Variants in FCGRT observed in about 807,000 individuals in gnomAD.
FCGRT encodes Fc gamma receptor and transporter, also known as IgG receptor FcRn large subunit p51.
In FCGRT, 13 loss-of-function variants were observed where a neutral mutation model predicts 35.7. That is an observed-to-expected ratio of 0.36 (90% CI 0.24 to 0.58). FCGRT has a LOEUF of 0.58. FCGRT is among the 20% of genes least tolerant of loss of function. The pLI is 0.77. For synonymous variants in FCGRT, 233 were observed against 216.5 expected (o/e 1.08, Z -0.67); for missense variants, 455 against 474.9 (o/e 0.96, Z 0.39).
At chr19:49,525,969 T>G in intron 6 of FCGRT, 41 bp from the exon 7 acceptor site, 2 of 1,273,284 alleles carry the variant, frequency 1.6e-6, no homozygotes, top group Non-Finnish European at 2.3e-6. Context: ...CCAGAGCGCC[T>G]CAGAGATTCT....
At chr19:49,514,997 CTT>C (rs1176536865) in intron 4 of FCGRT, among the ~76,000 whole-genome samples, 18 of 141,406 alleles carry the variant, frequency 1.3e-4, no homozygotes, top group Admixed American at 1.4e-4. Context: ...TGGCTCCCCC[CTT>C]TTTTTTTTTT....
At chr19:49,523,206 A>G (rs2080052717) in intron 4 of FCGRT, among the ~76,000 whole-genome samples, 1 of 152,158 alleles carries the variant, frequency 6.6e-6, no homozygotes, top group African/African-American at 2.4e-5. Flanking sequence ...CTACATTGGA[A>G]GAATTCACTA....
At position 49,524,702 on chromosome 19, in the gene FCGRT, A is replaced by G; in HGVS notation, c.797A>G (p.Lys266Arg). Residue 266 changes from lysine to arginine, a missense_variant, in exon 5 of 7, where the codon AAA becomes AGA. Lys to Arg is a conservative substitution (Grantham distance 26). Coordinates refer to ENST00000221466, the MANE Select transcript of FCGRT (RefSeq NM_001136019.3). ...CACGCCTCGTCGTCACTAACAGTCAAAAGTGGCGATGAGCACCACTACTGC... is the reference window on the plus strand; with the variant it reads ...CACGCCTCGTCGTCACTAACAGTCAGAAGTGGCGATGAGCACCACTACTGC... ...SFHASSSLTVKSGDEHHYCCI... is the reference protein window; with the variant it reads ...SFHASSSLTVRSGDEHHYCCI... 4 of 1,603,106 alleles carry G rather than the reference A, an allele frequency of 2.5e-6. No homozygotes were observed. The highest frequency in any genetic ancestry group is 2.5e-6 in the Non-Finnish European group (3 of 1,179,930).
At chr19:49,525,049 C>CCTGCTG (rs10525267) in intron 5 of FCGRT, 58 of 594,590 alleles carry the variant, frequency 9.8e-5, no homozygotes, top group South Asian at 2.6e-4. Context: ...CATCTTCCAT[C>CCTGCTG]CTGCTGCTGC....
At position 49,513,436 on chromosome 19, in the gene FCGRT, G is replaced by A; in HGVS notation, c.36G>A (p.Gly12=). Residue 12 remains glycine (G), a synonymous_variant, in exon 2 of 7, where the codon GGG becomes GGA. Coordinates refer to ENST00000221466, the MANE Select transcript of FCGRT (RefSeq NM_001136019.3). ...GVPRPQPWAL[G]LLLFLLPGSL... is the part of the protein sequence containing the mutation. The stretch of plus-strand genomic sequence containing the variant: ...CGCGGCCTCAGCCCTGGGCGCTGGG[G>A]CTCCTGCTCTTTCTCCTTCCTGGGA... The A allele has an allele frequency of 4.8e-6, 6 of 1,245,516 alleles. No homozygotes were observed. The highest frequency in any genetic ancestry group is 3.2e-5 in the East Asian group (1 of 31,622). The allele number at this position is 1,245,516 out of a possible 1,614,324, so 77.2% of individuals were successfully genotyped here.
At chr19:49,522,552 C>T (rs1481873067) in intron 4 of FCGRT, among the ~76,000 whole-genome samples, 1 of 151,676 alleles carries the variant, frequency 6.6e-6, no homozygotes, top group Non-Finnish European at 1.5e-5. Flanking sequence ...CTGCCTTAGC[C>T]TCCTGAGTAG....
chr19:49,517,880 A>T (rs1474597390), intron 4 of FCGRT, among the ~76,000 whole-genome samples: 1 of 152,078 alleles, frequency 6.6e-6, no homozygotes, highest in East Asian at 1.9e-4. Context: ...TTTAGTAGAG[A>T]TGAGGTTTCA....
intron 4 of FCGRT, among the ~76,000 whole-genome samples, chr19:49,514,854 G>A (rs1384179845): frequency 1.3e-5 from 2 of 151,672 alleles, no homozygotes; most frequent in African/African-American, 4.8e-5. Flanking sequence ...CACCATGCCC[G>A]GCTAATTTTG....
chr19:49,514,357 C>T lies in FCGRT; in HGVS notation c.472C>T (p.Leu158=), dbSNP rs374093601. 144 of 1,613,302 alleles carry T rather than the reference C, an allele frequency of 8.9e-5. No individual in the cohort carries two copies. The highest frequency in any genetic ancestry group is 1.1e-4 in the Non-Finnish European group (131 of 1,179,704). ...GTWGGDWPEA[L]AISQRWQQQD... ...CTGGGGTGGGGACTGGCCCGAGGCC[C>T]TGGCTATCAGTCAGCGGTGGCAGCA... is the stretch of plus-strand genomic sequence containing the variant. Residue 158 remains leucine, a synonymous_variant, in exon 4 of 7, where the codon CTG becomes TTG. Transcript: ENST00000221466.
At chr19:49,525,870 G>A in intron 6 of FCGRT, 140 bp from the exon 7 acceptor site, 2 of 751,982 alleles carry the variant, frequency 2.7e-6, no homozygotes, top group South Asian at 1.4e-5. Context: ...AAAATTGGGA[G>A]AAGGGGAGAC....
At chr19:49,519,697 G>C (rs182010588) in intron 4 of FCGRT, among the ~76,000 whole-genome samples, 1 of 152,206 alleles carries the variant, frequency 6.6e-6, no homozygotes, top group Non-Finnish European at 1.5e-5. Flanking sequence ...ATGTCTGTGT[G>C]CATAGGCTGC....
intron 4 of FCGRT, chr19:49,516,325 C>T (rs1293397489): frequency 8.8e-6 from 3 of 340,624 alleles, no homozygotes; most frequent in Admixed American, 8.2e-5. Flanking sequence ...TCACTGCAAC[C>T]TCCGCCTCCC....
Position 49,523,056 on chromosome 19 carries a change from C to T in FCGRT, c.602-1451C>T, listed in dbSNP as rs187608235. Among the ~76,000 whole-genome samples the T allele has an allele frequency of 1.0e-3, 155 of 151,864 alleles. 4 individuals are homozygous for T. The East Asian group carries it at 0.024, about 24-fold the overall frequency. On this transcript the variant is annotated intron_variant, in intron 4 of 6. Transcript: ENST00000221466. ...CCTCCCAAAGTGCTGGGATTACAGGCGTGAGCCACCGCGCCTGGCCAAGTT... is the reference window on the plus strand; with the variant it reads ...CCTCCCAAAGTGCTGGGATTACAGGTGTGAGCCACCGCGCCTGGCCAAGTT...
Position 49,514,446 on chromosome 19 carries a change from G to T in FCGRT, c.561G>T (p.Arg187=). Residue 187 remains arginine, a synonymous_variant, in exon 4 of 7, where the codon CGG becomes CGT. Transcript: ENST00000221466. ...FLLFSCPHRL[R]EHLERGRGNL... ...TATTCTCCTGCCCGCACCGCCTGCG[G>T]GAGCACCTGGAGAGGGGCCGCGGAA... The T allele has an allele frequency of 6.4e-7, 1 of 1,572,136 alleles. No individual in the cohort carries two copies. Among genetic ancestry groups the T allele is most frequent in the Admixed American group, 1.8e-5 (1 of 56,718 alleles).
intron 4 of FCGRT, among the ~76,000 whole-genome samples, chr19:49,519,063 C>T (rs1051541756): frequency 1.3e-5 from 2 of 148,314 alleles, no homozygotes; most frequent in East Asian, 2.0e-4. Flanking sequence ...AGGATGGTCT[C>T]GATCTCCTGA....
chr19:49,519,213 T>C (rs1328685065), intron 4 of FCGRT, among the ~76,000 whole-genome samples: 2 of 152,210 alleles, frequency 1.3e-5, no homozygotes, highest in African/African-American at 4.8e-5. Flanking sequence ...TTTTCATTGT[T>C]TTAACTGTGC....
At position 49,514,691 on chromosome 19, in the gene FCGRT, C is replaced by CTT. The variant is rs559894159; in HGVS notation, c.601+221_601+222dup. Among the ~76,000 whole-genome samples the CTT allele has an allele frequency of 4.3e-4, 59 of 137,042 alleles. 1 individual carries two copies. Among genetic ancestry groups the CTT allele is most frequent in the Admixed American group, 2.1e-3 (29 of 13,678 alleles). 89.9% of individuals were successfully genotyped at this position (137,042 alleles called of 152,430 possible). ...AACTCCTGGCTTCCTTCCTTGCCTT[C>CTT]TTTTTTTTTTTTTTTTTGTGAGACG... On this transcript the variant is annotated intron_variant, in intron 4 of 6. Transcript: ENST00000221466.
chr19:49,523,563 T>TCC (rs1475577573), intron 4 of FCGRT, among the ~76,000 whole-genome samples: 18 of 121,148 alleles, frequency 1.5e-4, no homozygotes, highest in Middle Eastern at 6.7e-3. Flanking sequence ...GCGAGACTCT[T>TCC]ATCTCAAAAA....
intron 4 of FCGRT, among the ~76,000 whole-genome samples, chr19:49,517,506 GAA>G (rs765191021): frequency 1.3e-3 from 193 of 151,602 alleles, no homozygotes; most frequent in African/African-American, 4.4e-3. Flanking sequence ...AAGAAGGAAA[GAA>G]AGAGAGAGGA....
Sources: gnomAD v4.1 joint callset for allele counts (sites outside exome capture counted in the v4.1 genomes callset) on GRCh38, gnomAD v4.1.1 for gene constraint, MANE v1.5 for transcripts, NCBI Gene and HGNC (gene_info 2026-07-23, HGNC 2026-07-21) for gene names.